Variants in FBXL13 observed in about 807,000 individuals in gnomAD.
The protein encoded by FBXL13 is F-box and leucine-rich repeat protein 13.
FBXL13 carries 67 observed loss-of-function variants against 83.6 expected under a neutral mutation model. The observed-to-expected ratio is 0.80, with a 90% CI of 0.66 to 0.98. The LOEUF (loss-of-function observed/expected upper bound fraction) is 0.98. FBXL13 is among the 50% of genes least tolerant of loss of function. The probability of loss-of-function intolerance (pLI) is 0.00; values close to 1 mark genes in which losing one functional copy is unlikely to be tolerated. For synonymous variants in FBXL13, 272 were observed against 299.5 expected, an observed-to-expected ratio of 0.91 and a Z score of 0.95; for missense variants, 822 against 866.5, an observed-to-expected ratio of 0.95 and a Z score of 0.64.
At chr7:102,908,583 A>T (rs1814135616) in intron 11 of FBXL13, among the ~76,000 whole-genome samples, 1 of 151,574 alleles carries the variant, frequency 6.6e-6, no homozygotes, top group South Asian at 2.1e-4. Flanking sequence ...AAAGGACTTG[A>T]GTGTTGTAAT....
chr7:102,851,456 C>CTTCT, intron 17 of FBXL13, among the ~76,000 whole-genome samples: 1 of 51,106 alleles, frequency 2.0e-5, no homozygotes, highest in Non-Finnish European at 3.2e-5. Flanking sequence ...TCCTTCCTTC[C>CTTCT]CTCCCTCCCT....
In FBXL13 at chr7:102,975,885, C is replaced by A. The variant is rs190154497; in HGVS notation, c.496-7768G>T. On this transcript the variant is annotated intron_variant, in intron 6 of 19. Transcript: ENST00000313221. The stretch of plus-strand genomic sequence containing the variant: ...CAGGGTTTCAAATGCTTGCCTCCTC[C>A]ATCAGGGGCCCTGCAGGCCATGGGG... The A allele has an allele frequency of 3.0e-4, 223 of 734,952 alleles. No homozygotes were observed. In the African/African-American group the frequency reaches 3.3e-3, roughly 11 times the overall value. 45.5% of individuals were successfully genotyped at this position (734,952 alleles called of 1,614,324 possible).
intron 16 of FBXL13, among the ~76,000 whole-genome samples, chr7:102,865,524 GTTTT>G (rs762617780): frequency 6.6e-6 from 1 of 151,090 alleles, no homozygotes; most frequent in African/African-American, 2.4e-5. Context: ...TTATTTTTGT[GTTTT>G]TTTTGTTTGA....
At chr7:102,939,097 A>C (rs552830482) in intron 8 of FBXL13, among the ~76,000 whole-genome samples, 2 of 152,348 alleles carry the variant, frequency 1.3e-5, no homozygotes, top group South Asian at 4.1e-4. Context: ...TGTGGGTTCA[A>C]TAAGCAAGTC....
chr7:102,998,050 T>A (rs145257897), intron 6 of FBXL13, among the ~76,000 whole-genome samples: 13 of 152,336 alleles, frequency 8.5e-5, no homozygotes, highest in African/African-American at 3.1e-4. Flanking sequence ...AATGTTCCCC[T>A]TTCTCTGCAT....
intron 16 of FBXL13, among the ~76,000 whole-genome samples, chr7:102,865,629 C>T (rs1052681578): frequency 9.2e-5 from 14 of 152,060 alleles, no homozygotes; most frequent in African/African-American, 3.4e-4. Context: ...GCAACCTCTC[C>T]CTCCCAGATT....
At chr7:103,060,658 G>A (rs926236716) in intron 1 of FBXL13, among the ~76,000 whole-genome samples, 9 of 152,196 alleles carry the variant, frequency 5.9e-5, no homozygotes, top group African/African-American at 1.9e-4. Flanking sequence ...AGACACTTAA[G>A]AGAACAAGTC....
intron 11 of FBXL13, among the ~76,000 whole-genome samples, chr7:102,901,606 G>C (rs757875038): frequency 3.7e-4 from 56 of 152,008 alleles, no homozygotes; most frequent in Non-Finnish European, 7.2e-4. Flanking sequence ...CTATGCCCAT[G>C]AGTTCAATTG....
chr7:102,912,337 C>T (rs954247182), intron 11 of FBXL13, among the ~76,000 whole-genome samples: 1 of 152,104 alleles, frequency 6.6e-6, no homozygotes, highest in African/African-American at 2.4e-5. Context: ...CTATTATTCT[C>T]ATAGAATAAT....
intron 14 of FBXL13, among the ~76,000 whole-genome samples, chr7:102,879,284 C>T (rs1047543059): frequency 2.0e-5 from 3 of 152,096 alleles, no homozygotes; most frequent in African/African-American, 7.2e-5. Flanking sequence ...TTACACCCTC[C>T]GTTTGTTCAG....
At chr7:103,025,723 A>G (rs1793821508) in intron 5 of FBXL13, among the ~76,000 whole-genome samples, 1 of 152,194 alleles carries the variant, frequency 6.6e-6, no homozygotes, top group Non-Finnish European at 1.5e-5. Context: ...ATAAACATAT[A>G]CACAATATTG....
At chr7:102,970,423 A>G (rs1826508270) in intron 6 of FBXL13, among the ~76,000 whole-genome samples, 1 of 152,198 alleles carries the variant, frequency 6.6e-6, no homozygotes, top group African/African-American at 2.4e-5. Flanking sequence ...TTTAAATTTC[A>G]TCATGCCTGG....
At chr7:102,843,731 G>A (rs982933892) in intron 17 of FBXL13, among the ~76,000 whole-genome samples, 5 of 152,088 alleles carry the variant, frequency 3.3e-5, no homozygotes, top group African/African-American at 9.7e-5. Flanking sequence ...AGCCAAGATC[G>A]CGCCACTGCA....
chr7:102,868,397 G>A (rs556054412), intron 16 of FBXL13, among the ~76,000 whole-genome samples: 46 of 152,200 alleles, frequency 3.0e-4, no homozygotes, highest in African/African-American at 1.1e-3. Flanking sequence ...GCATATGAGT[G>A]AGATCATGAG....
At chr7:102,817,608 G>GT (rs1159931495) in intron 19 of FBXL13, among the ~76,000 whole-genome samples, 1 of 151,872 alleles carries the variant, frequency 6.6e-6, no homozygotes, top group Non-Finnish European at 1.5e-5. Context: ...ATTTTGAATC[G>GT]TATCAGGAAA....
intron 6 of FBXL13, among the ~76,000 whole-genome samples, chr7:102,974,428 A>G (rs1233887548): frequency 6.6e-6 from 1 of 152,154 alleles, no homozygotes; most frequent in Admixed American, 6.6e-5. Context: ...CTTAGGCCTC[A>G]GGCAAGATAT....
At chr7:102,999,040 A>G (rs775428266) in intron 6 of FBXL13, among the ~76,000 whole-genome samples, 27 of 151,830 alleles carry the variant, frequency 1.8e-4, no homozygotes, top group Non-Finnish European at 2.9e-4. Flanking sequence ...ATTCAGTACG[A>G]CGTTAGTTGT....
chr7:102,899,627 C>T (rs1375849408), intron 11 of FBXL13, among the ~76,000 whole-genome samples: 2 of 151,990 alleles, frequency 1.3e-5, no homozygotes, highest in Non-Finnish European at 2.9e-5. Context: ...AATCTTAACC[C>T]CTGAAGATGG....
At chr7:102,915,938 T>A (rs1198115516) in intron 10 of FBXL13, among the ~76,000 whole-genome samples, 1 of 152,134 alleles carries the variant, frequency 6.6e-6, no homozygotes, top group Non-Finnish European at 1.5e-5. Flanking sequence ...CTGTAGTTTT[T>A]ACCTACATTT....
Sources: gnomAD v4.1 joint callset for allele counts (sites outside exome capture counted in the v4.1 genomes callset) on GRCh38, gnomAD v4.1.1 for gene constraint, MANE v1.5 for transcripts, NCBI Gene and HGNC (gene_info 2026-07-23, HGNC 2026-07-21) for gene names.